Variants in CHI3L2 observed in about 807,000 individuals in gnomAD.
The protein encoded by CHI3L2 is chitinase-3-like protein 2.
A neutral mutation model predicts 47.3 loss-of-function variants in CHI3L2; 47 were observed. The observed-to-expected ratio is 0.99, with a 90% CI of 0.79 to 1.27. CHI3L2 has a LOEUF of 1.27. Among genes scored for constraint, CHI3L2 ranks in the 50% most tolerant of loss-of-function variants. The pLI, the probability that CHI3L2 is intolerant of heterozygous loss-of-function variation, is 0.00. For synonymous variants in CHI3L2, 198 were observed against 169.9 expected (o/e 1.17, Z -1.28); for missense variants, 497 against 462.1 (o/e 1.08, Z -0.69).
chr1:111,232,254 C>A (rs1659745098), intron 4 of CHI3L2, among the ~76,000 whole-genome samples: 2 of 152,210 alleles, frequency 1.3e-5, no homozygotes, highest in African/African-American at 4.8e-5. Context: ...GCTTCCATGG[C>A]ACCCATCCTT....
chr1:111,234,639 G>A (rs1342552372), intron 4 of CHI3L2, among the ~76,000 whole-genome samples: 1 of 152,170 alleles, frequency 6.6e-6, no homozygotes, highest in East Asian at 1.9e-4. Flanking sequence ...CCTAAGTTTG[G>A]TCAAGGCAAG....
At chr1:111,229,378 C>G (rs963015505) in intron 1 of CHI3L2, among the ~76,000 whole-genome samples, 57 of 152,286 alleles carry the variant, frequency 3.7e-4, no homozygotes, top group African/African-American at 1.4e-3. Context: ...CTGGGGACCT[C>G]AAGGTCCTAT....
chr1:111,239,046 G>A (rs1034024538), intron 8 of CHI3L2, 114 bp downstream of exon 8: 4 of 1,043,970 alleles, frequency 3.8e-6, no homozygotes, highest in Admixed American at 2.7e-5. Flanking sequence ...AAAGGGCAGA[G>A]TACTACTGAA....
At chr1:111,243,080 G>T in intron 10 of CHI3L2, 137 bp from the exon 11 acceptor site, 1 of 441,150 alleles carries the variant, frequency 2.3e-6, no homozygotes, top group South Asian at 1.6e-5. Context: ...CTGGCAAAGG[G>T]CCTAGAACCA....
At chr1:111,236,202 T>C (rs2251608) in intron 7 of CHI3L2, 49 bp downstream of exon 7, 1,101,652 of 1,599,128 alleles carry the variant, frequency 0.69, 380,772 homozygotes, top group South Asian at 0.74. Context: ...GGGGTGGGGC[T>C]GGGGAGAGTC....
At chr1:111,238,453 G>A (rs1466004353) in intron 7 of CHI3L2, among the ~76,000 whole-genome samples, 1 of 152,212 alleles carries the variant, frequency 6.6e-6, no homozygotes, top group Non-Finnish European at 1.5e-5. Flanking sequence ...ACTCAAAAGG[G>A]GAAGGAAGAT....
At chr1:111,232,449 G>C (rs1180782637) in intron 4 of CHI3L2, among the ~76,000 whole-genome samples, 1 of 152,190 alleles carries the variant, frequency 6.6e-6, no homozygotes, top group East Asian at 1.9e-4. Flanking sequence ...GACGTGTTTG[G>C]TTTGGATTTC....
intron 1 of CHI3L2, 105 bp from the exon 2 acceptor site, chr1:111,229,747 G>T: frequency 6.6e-7 from 1 of 1,512,966 alleles, no homozygotes. Flanking sequence ...GATGAAGTGT[G>T]GCTCTATCTT....
At chr1:111,239,171 G>A (rs559427861) in intron 8 of CHI3L2, 3 of 422,912 alleles carry the variant, frequency 7.1e-6, no homozygotes, top group African/African-American at 6.2e-5. Context: ...AATGGGGATA[G>A]GCAGAGGAGA....
rs913884733 is a variant in CHI3L2, at chr1:111,231,182, A to G, written c.273-56A>G. ...TACACTTAAGAACTCTGTTCTTTAG[A>G]CAAAGGCTTCCCTGGCAGCCAGAAA... On this transcript the variant is annotated intron_variant, in intron 3 of 10. Coordinates refer to ENST00000369748, the MANE Select transcript of CHI3L2 (RefSeq NM_004000.3). The G allele has an allele frequency of 1.5e-5, 22 of 1,444,918 alleles. No homozygotes were observed. In the Admixed American group the frequency reaches 3.8e-4, roughly 25 times the overall value. 89.5% of individuals were successfully genotyped at this position (1,444,918 alleles called of 1,614,324 possible). A position where few individuals can be genotyped will look rare whatever the true frequency, so the allele number is the denominator to read the frequency against.
chr1:111,229,137 G>A (rs1659614780), intron 1 of CHI3L2, among the ~76,000 whole-genome samples: 2 of 152,094 alleles, frequency 1.3e-5, no homozygotes, highest in Non-Finnish European at 2.9e-5. Flanking sequence ...GGTCTCATTG[G>A]ACAATAAACT....
intron 4 of CHI3L2, among the ~76,000 whole-genome samples, chr1:111,232,538 T>C (rs945965408): frequency 6.6e-6 from 1 of 152,160 alleles, no homozygotes; most frequent in African/African-American, 2.4e-5. Flanking sequence ...AACTATACAA[T>C]AAGAATAATA....
chr1:111,231,339 T>A (rs755938031), intron 4 of CHI3L2, 45 bp downstream of exon 4: 1 of 1,396,536 alleles, frequency 7.2e-7, no homozygotes, highest in East Asian at 2.3e-5. Flanking sequence ...CATGTAATTT[T>A]TGATCATCAT....
rs984360038 is a variant in CHI3L2 at position 111,227,837 on chromosome 1, G to A, written c.40+68G>A. ...AGGAAGAGGTAACAGGTCTGTAGAA[G>A]AAGTAATCTTCCTCCTTTCCTGGGA... On this transcript the variant is annotated intron_variant, in intron 1 of 10. Coordinates refer to ENST00000369748, the MANE Select transcript of CHI3L2 (RefSeq NM_004000.3). 7 of 1,451,746 alleles carry A rather than the reference G, an allele frequency of 4.8e-6. No individual in the cohort carries two copies. The African/African-American group carries it at 5.6e-5, about 12-fold the overall frequency. 89.9% of individuals were successfully genotyped at this position (1,451,746 alleles called of 1,614,324 possible).
chr1:111,235,498 C>A, intron 5 of CHI3L2, 141 bp from the exon 6 acceptor site: 1 of 943,950 alleles, frequency 1.1e-6, no homozygotes, highest in Non-Finnish European at 1.6e-6. Flanking sequence ...AGGCACAAGG[C>A]ATCCCCATGT....
At chr1:111,240,004 G>A (rs1161297358) in intron 8 of CHI3L2, among the ~76,000 whole-genome samples, 1 of 152,190 alleles carries the variant, frequency 6.6e-6, no homozygotes, top group East Asian at 1.9e-4. Flanking sequence ...AAAACAATAT[G>A]GGATTCAATG....
chr1:111,234,188 T>TA (rs553835455), intron 4 of CHI3L2, among the ~76,000 whole-genome samples: 1,198 of 77,868 alleles, frequency 0.015, 4 homozygotes, highest in East Asian at 0.028. Flanking sequence ...GAATGATCAA[T>TA]AAAAAAAAAA....
At chr1:111,235,832 T>A in intron 6 of CHI3L2, 69 bp downstream of exon 6, 1 of 1,589,418 alleles carries the variant, frequency 6.3e-7, no homozygotes, top group South Asian at 1.1e-5. Context: ...TGCATCAGCA[T>A]GTTTGACGGA....
chr1:111,229,710 C>G (rs1418473203), intron 1 of CHI3L2, 142 bp from the exon 2 acceptor site: 2 of 825,568 alleles, frequency 2.4e-6, no homozygotes, highest in Non-Finnish European at 3.2e-6. Flanking sequence ...AAAAAAGAAA[C>G]CACAGCAGCT....
Sources: gnomAD v4.1 joint callset for allele counts (sites outside exome capture counted in the v4.1 genomes callset) on GRCh38, gnomAD v4.1.1 for gene constraint, MANE v1.5 for transcripts, NCBI Gene and HGNC (gene_info 2026-07-23, HGNC 2026-07-21) for gene names.